DCAF6: variants seen among roughly 807,000 people sequenced by gnomAD.
DCAF6 encodes DDB1 and CUL4 associated factor 6.
In DCAF6, 54 loss-of-function variants were observed where a neutral mutation model predicts 125.1. That is an observed-to-expected ratio of 0.43 (90% CI 0.35 to 0.54). DCAF6 has a LOEUF of 0.54. Among genes scored for constraint, DCAF6 ranks in the 20% least tolerant of loss-of-function variants. The probability of loss-of-function intolerance (pLI) is 0.01; values close to 1 mark genes in which losing one functional copy is unlikely to be tolerated. For synonymous variants in DCAF6, 371 were observed against 390.4 expected, an observed-to-expected ratio of 0.95 and a Z score of 0.58; for missense variants, 934 against 1,161.7, an observed-to-expected ratio of 0.80 and a Z score of 2.85.
intron 7 of DCAF6, among the ~76,000 whole-genome samples, chr1:167,997,696 G>A (rs530880191): frequency 6.6e-6 from 1 of 152,150 alleles, no homozygotes; most frequent in East Asian, 1.9e-4. Context: ...AATAAAAAGA[G>A]TGACCCACAG....
chr1:167,865,537 T>C, the DCAF6 span, among the ~76,000 whole-genome samples: 1 of 152,228 alleles, frequency 6.6e-6, no homozygotes, highest in Non-Finnish European at 1.5e-5. Context: ...AACACACTAA[T>C]ATAAAGGTAA....
chr1:168,062,127 T>C (rs558795774), intron 17 of DCAF6, among the ~76,000 whole-genome samples: 1 of 152,256 alleles, frequency 6.6e-6, no homozygotes, highest in South Asian at 2.1e-4. Context: ...ACAAACATAA[T>C]TCTGAGCTAA....
chr1:167,985,492 T>G (rs1192689915), intron 4 of DCAF6, among the ~76,000 whole-genome samples: 3 of 152,126 alleles, frequency 2.0e-5, no homozygotes, highest in Admixed American at 2.0e-4. Flanking sequence ...TCTTGTCTCC[T>G]TCTCTGACTC....
intron 21 of DCAF6, among the ~76,000 whole-genome samples, chr1:168,071,801 A>G (rs1009212582): frequency 6.6e-6 from 1 of 152,226 alleles, no homozygotes; most frequent in Admixed American, 6.5e-5. Flanking sequence ...AAGGTCCTAC[A>G]TGACATACAT....
the DCAF6 span, among the ~76,000 whole-genome samples, chr1:167,918,797 G>A: frequency 6.6e-6 from 1 of 151,930 alleles, no homozygotes; most frequent in Non-Finnish European, 1.5e-5. Context: ...GTTTCACCGT[G>A]TTAGCCAGGA....
chr1:167,924,540 G>GAA, the DCAF6 span: 71 of 1,242,452 alleles, frequency 5.7e-5, no homozygotes, highest in Admixed American at 2.2e-4. Flanking sequence ...TCTGGGACCT[G>GAA]AAAAAAAAAA....
chr1:168,001,188 G>A (rs1571883534), intron 7 of DCAF6, among the ~76,000 whole-genome samples: 1 of 152,054 alleles, frequency 6.6e-6, no homozygotes, highest in South Asian at 2.1e-4. Flanking sequence ...AACTACTCAG[G>A]AAGCTGTGGC....
At chr1:167,920,501 T>C in the DCAF6 span, 2 of 1,586,570 alleles carry the variant, frequency 1.3e-6, no homozygotes, top group Non-Finnish European at 1.7e-6. Flanking sequence ...AAAACAAAAA[T>C]CATTTATGTT....
At chr1:168,057,496 T>C (rs1268673310) in intron 17 of DCAF6, among the ~76,000 whole-genome samples, 1 of 152,222 alleles carries the variant, frequency 6.6e-6, no homozygotes, top group African/African-American at 2.4e-5. Context: ...AAATGTTTCT[T>C]CCAAATAGAA....
the DCAF6 span, chr1:167,880,723 A>G: frequency 6.5e-6 from 5 of 770,830 alleles, no homozygotes; most frequent in South Asian, 4.1e-5. Flanking sequence ...ATCAGATTTT[A>G]TCATGATTTC....
the DCAF6 span, among the ~76,000 whole-genome samples, chr1:167,915,265 A>C: frequency 1.3e-5 from 2 of 152,148 alleles, no homozygotes; most frequent in African/African-American, 4.8e-5. Context: ...AAGACTAAAG[A>C]ATTTATCTCT....
rs1169608425 is a variant in DCAF6, at chr1:168,066,429, A to G, written c.2649A>G (p.Glu883=). The G allele has an allele frequency of 1.7e-5, 27 of 1,610,610 alleles. No homozygotes were observed. Among genetic ancestry groups the G allele is most frequent in the Non-Finnish European group, 2.1e-5 (25 of 1,177,942 alleles). Residue 883 remains glutamate, a synonymous_variant, in exon 20 of 22, where the codon GAA becomes GAG. Transcript: ENST00000367840. ...ACATAAAGATCTGGTCACCATTAGA[A>G]GAGTCAAGGATTTTTAACCGAAAAC... ...DYDIKIWSPL[E]ESRIFNRKLA...
intron 10 of DCAF6, among the ~76,000 whole-genome samples, chr1:168,008,154 G>A (rs1369676110): frequency 3.3e-5 from 5 of 151,638 alleles, no homozygotes; most frequent in Admixed American, 1.3e-4. Context: ...ATTTTTAGTA[G>A]AGATGGGGTT....
At chr1:167,906,992 C>T in the DCAF6 span, among the ~76,000 whole-genome samples, 1 of 152,158 alleles carries the variant, frequency 6.6e-6, no homozygotes, top group African/African-American at 2.4e-5. Context: ...TCTACCTTCT[C>T]CACCATGGAG....
At chr1:167,897,555 AGATGCAGAAGAGAT>A in the DCAF6 span, among the ~76,000 whole-genome samples, 11 of 28 alleles carry the variant, frequency 0.39, no homozygotes, top group Admixed American at 0.5. Flanking sequence ...ATGTTGTTGG[AGATGCAGAAGAGAT>A]GAGAGAAAGC....
chr1:168,013,228 C>T (rs1684536164), intron 10 of DCAF6, among the ~76,000 whole-genome samples: 1 of 152,148 alleles, frequency 6.6e-6, no homozygotes, highest in Non-Finnish European at 1.5e-5. Flanking sequence ...CCTATTGGTA[C>T]TGGATCATTT....
the DCAF6 span, among the ~76,000 whole-genome samples, chr1:167,909,031 CT>C: frequency 6.6e-6 from 1 of 152,232 alleles, no homozygotes; most frequent in Non-Finnish European, 1.5e-5. Context: ...ACATTACCAG[CT>C]TTCCAGAAGT....
chr1:167,940,503 G>A (rs1672077023), intron 1 of DCAF6, among the ~76,000 whole-genome samples: 1 of 137,894 alleles, frequency 7.3e-6, no homozygotes, highest in African/African-American at 2.8e-5. Flanking sequence ...TCAGCCTCCT[G>A]GAATTTTTTT....
At chr1:168,031,882 GTA>G (rs1202175175) in intron 12 of DCAF6, among the ~76,000 whole-genome samples, 2 of 152,158 alleles carry the variant, frequency 1.3e-5, no homozygotes, top group African/African-American at 4.8e-5. Context: ...ATGAATAGAG[GTA>G]TATAAAACTA....
Sources: gnomAD v4.1 joint callset for allele counts (sites outside exome capture counted in the v4.1 genomes callset) on GRCh38, gnomAD v4.1.1 for gene constraint, MANE v1.5 for transcripts, NCBI Gene and HGNC (gene_info 2026-07-23, HGNC 2026-07-21) for gene names.